ZNF644: variants seen among roughly 807,000 people sequenced by gnomAD.
ZNF644 encodes zinc finger protein 644.
In ZNF644, 20 loss-of-function variants were observed where a neutral mutation model predicts 108.0. The ratio of observed to expected loss-of-function variants is 0.19; its 90% CI spans 0.13 to 0.27. The LOEUF (loss-of-function observed/expected upper bound fraction) is 0.27. Ranked by LOEUF, ZNF644 falls within the 10% of genes least tolerant of loss-of-function variation. The probability of loss-of-function intolerance (pLI) is 1.00; values close to 1 mark genes in which losing one functional copy is unlikely to be tolerated. For missense variants in ZNF644, 1,338 were observed against 1,548.9 expected (o/e 0.86, Z 2.29); for synonymous variants, 542 against 539.1 (o/e 1.01, Z -0.08).
At chr1:90,978,048 A>G (rs983318828) in intron 2 of ZNF644, among the ~76,000 whole-genome samples, 19 of 152,178 alleles carry the variant, frequency 1.2e-4, no homozygotes, top group Admixed American at 9.8e-4. Flanking sequence ...TAAAAAATTT[A>G]TATTTTGAAA....
chr1:90,996,787 C>G (rs1338650657), intron 1 of ZNF644, among the ~76,000 whole-genome samples: 3 of 152,100 alleles, frequency 2.0e-5, no homozygotes, highest in Non-Finnish European at 4.4e-5. Flanking sequence ...TGCTTTATAA[C>G]TAAAAACAAA....
chr1:90,950,643 G>A (rs1242591066), intron 2 of ZNF644, among the ~76,000 whole-genome samples: 1 of 152,060 alleles, frequency 6.6e-6, no homozygotes, highest in African/African-American at 2.4e-5. Context: ...AACAGCCACA[G>A]AGGGAGGCTT....
chr1:90,956,128 T>C (rs951002825), intron 2 of ZNF644, among the ~76,000 whole-genome samples: 1 of 152,162 alleles, frequency 6.6e-6, no homozygotes, highest in Non-Finnish European at 1.5e-5. Context: ...ACACACACAA[T>C]ATTGATCAAT....
At chr1:90,957,349 C>A (rs1653852220) in intron 2 of ZNF644, among the ~76,000 whole-genome samples, 1 of 152,148 alleles carries the variant, frequency 6.6e-6, no homozygotes, top group South Asian at 2.1e-4. Context: ...CTACAAATAT[C>A]CATTATGAAA....
intron 2 of ZNF644, among the ~76,000 whole-genome samples, chr1:90,981,590 C>A (rs2101479962): frequency 6.6e-6 from 1 of 152,022 alleles, no homozygotes; most frequent in East Asian, 1.9e-4. Flanking sequence ...TCCCTTGTTT[C>A]CATTTTGAAG....
At chr1:91,015,319 G>C (rs1415746032) in intron 1 of ZNF644, among the ~76,000 whole-genome samples, 2 of 152,016 alleles carry the variant, frequency 1.3e-5, no homozygotes, top group Non-Finnish European at 2.9e-5. Context: ...GTGTGGAGAG[G>C]AAAAGAGCAA....
rs1557658483 is a variant in ZNF644, at chr1:91,007,220, A to ATT, written c.-18+14768_-18+14769dup. ...TTCTTAATTTCTTCCATTTTCTCCCATTTTGTTTTTTTTTTTTTTTTTTTT... is the reference window on the plus strand; with the variant it reads ...TTCTTAATTTCTTCCATTTTCTCCCATTTTTTGTTTTTTTTTTTTTTTTTTTT... On this transcript the variant is annotated intron_variant, in intron 1 of 5. Transcript: ENST00000337393. Among the ~76,000 whole-genome samples, 229 of 30,300 alleles carry ATT rather than the reference A, an allele frequency of 7.6e-3. 13 individuals are homozygous for ATT. The highest frequency in any genetic ancestry group is 0.012 in the Non-Finnish European group (188 of 15,270). The allele number at this position is 30,300 out of a possible 152,430, so 19.9% of individuals were successfully genotyped here. A position where few individuals can be genotyped will look rare whatever the true frequency, so the allele number is the denominator to read the frequency against.
chr1:91,000,850 G>T (rs1230273347), intron 1 of ZNF644, among the ~76,000 whole-genome samples: 1 of 150,250 alleles, frequency 6.7e-6, no homozygotes, highest in East Asian at 2.0e-4. Context: ...TGATAAAGGG[G>T]ATATCACCAC....
chr1:90,982,308 A>C lies in ZNF644; in HGVS notation c.44+2T>G. 6.2e-7 allele frequency: 1 copy of C among 1,608,478 alleles called. No homozygotes were observed. The highest frequency in any genetic ancestry group is 8.5e-7 in the Non-Finnish European group (1 of 1,177,410). On this transcript the variant is annotated splice_donor_variant, in intron 2 of 5. Coordinates refer to ENST00000337393, the MANE Select transcript of ZNF644 (RefSeq NM_201269.3). LOFTEE classifies it high-confidence loss of function. ...CATTTAACAAAGCAGTCTTCTACTT[A>C]CCTAGATTTTGTCTTATTAACATCT...
At chr1:90,996,696 A>C (rs1658179880) in intron 1 of ZNF644, among the ~76,000 whole-genome samples, 1 of 152,186 alleles carries the variant, frequency 6.6e-6, no homozygotes, top group Non-Finnish European at 1.5e-5. Flanking sequence ...ACAAAGGATC[A>C]GTTGAGCCCA....
At chr1:90,987,143 A>G (rs1657181640) in intron 1 of ZNF644, among the ~76,000 whole-genome samples, 1 of 151,078 alleles carries the variant, frequency 6.6e-6, no homozygotes, top group African/African-American at 2.4e-5. Flanking sequence ...AACTAAACCA[A>G]ATAGTAGCAG....
chr1:90,940,530 G>C lies in ZNF644; in HGVS notation c.824C>G (p.Thr275Arg). The change falls in exon 3 of 6, where the codon ACA becomes AGA. Residue 275 changes from threonine (T) to arginine (R), a missense_variant. Transcript: ENST00000337393. ...AGAATGAGGTGGAGCTTTATCTACT[G>C]TTTCCTCATTAGTCATAAGAAATTG... The part of the protein sequence containing the change: ...FIQFLMTNEE[T>R]VDKAPPHSKI... 4 of 1,613,530 alleles carry C rather than the reference G, an allele frequency of 2.5e-6. No individual in the cohort carries two copies. The highest frequency in any genetic ancestry group is 3.4e-6 in the Non-Finnish European group (4 of 1,179,860).
At chr1:91,018,205 G>A (rs1458841111) in intron 1 of ZNF644, among the ~76,000 whole-genome samples, 1 of 152,148 alleles carries the variant, frequency 6.6e-6, no homozygotes, top group Non-Finnish European at 1.5e-5. Flanking sequence ...AACCAGCAGG[G>A]TGAGCTAGTG....
intron 1 of ZNF644, among the ~76,000 whole-genome samples, chr1:91,004,101 A>G (rs1182528046): frequency 6.6e-6 from 1 of 152,136 alleles, no homozygotes; most frequent in East Asian, 1.9e-4. Flanking sequence ...TATACCTAAT[A>G]GGAGTTCTAC....
chr1:90,952,101 C>G (rs2101052467), intron 2 of ZNF644, among the ~76,000 whole-genome samples: 1 of 152,172 alleles, frequency 6.6e-6, no homozygotes, highest in South Asian at 2.1e-4. Flanking sequence ...AATTAAAATT[C>G]AGAAATGAAA....
chr1:90,937,808 A>G lies in ZNF644; in HGVS notation c.3365T>C (p.Val1122Ala), dbSNP rs1412228596. The G allele has an allele frequency of 6.2e-7, 1 of 1,613,896 alleles. No homozygotes were observed. The highest frequency in any genetic ancestry group is 1.1e-5 in the South Asian group (1 of 91,076). ...ASSDDFISQN[V>A]IPLEAYRNGL... is the part of the protein sequence containing the mutation. Reference sequence around the variant, plus strand: ...ATTACGGTATGCTTCAAGAGGTATAACATTTTGAGATATAAAGTCATCACT... The same window carrying G: ...ATTACGGTATGCTTCAAGAGGTATAGCATTTTGAGATATAAAGTCATCACT... The change falls in exon 4 of 6, where the codon GTT becomes GCT. Residue 1122 changes from valine to alanine, a missense_variant. Around this residue, in one of 6 missense-constraint regions of ZNF644, gnomAD observed 287 missense variants for 310.9 expected, o/e 0.92. Transcript: ENST00000337393.
chr1:91,020,137 A>C (rs1010216450), intron 1 of ZNF644, among the ~76,000 whole-genome samples: 3 of 152,206 alleles, frequency 2.0e-5, no homozygotes, highest in African/African-American at 7.2e-5. Flanking sequence ...CTTCCACTGT[A>C]AAACTTTATG....
intron 4 of ZNF644, 134 bp downstream of exon 4, chr1:90,937,351 T>A: frequency 1.6e-6 from 2 of 1,217,304 alleles, no homozygotes; most frequent in Admixed American, 3.9e-5. Context: ...ATAACCAATC[T>A]GTGCTCTGTA....
At chr1:90,946,995 T>C (rs1244200512) in intron 2 of ZNF644, among the ~76,000 whole-genome samples, 1 of 152,012 alleles carries the variant, frequency 6.6e-6, no homozygotes, top group Non-Finnish European at 1.5e-5. Context: ...GAAGCTCCCA[T>C]GTGGTAAACG....
Sources: allele counts gnomAD v4.1 joint callset (sites outside exome capture counted in the v4.1 genomes callset), GRCh38; gene constraint gnomAD v4.1.1; regional missense constraint gnomAD v4.1.1; transcripts MANE v1.5; gene names NCBI Gene and HGNC (gene_info 2026-07-23, HGNC 2026-07-21).